TF: variants seen among roughly 807,000 people sequenced by gnomAD.
The protein encoded by TF is transferrin, also known as serotransferrin.
In TF, 55 loss-of-function variants were observed where a neutral mutation model predicts 82.4. That is an observed-to-expected ratio of 0.67 (90% CI 0.54 to 0.84). TF has a LOEUF of 0.84. Ranked by LOEUF, TF falls within the 40% of genes least tolerant of loss-of-function variation. TF has a pLI of 0.00. For synonymous variants in TF, 332 were observed against 332.6 expected (o/e 1.00, Z 0.02); for missense variants, 737 against 868.4 (o/e 0.85, Z 1.90).
At chr3:133,691,553 G>C in the TF span, among the ~76,000 whole-genome samples, 1 of 152,220 alleles carries the variant, frequency 6.6e-6, no homozygotes, top group Non-Finnish European at 1.5e-5. Context: ...TGAAGACTGT[G>C]GTCAGGGAAT....
chr3:133,684,275 A>T, the TF span, among the ~76,000 whole-genome samples: 1 of 152,256 alleles, frequency 6.6e-6, no homozygotes, highest in Non-Finnish European at 1.5e-5. Context: ...TGACACCCTA[A>T]CATCACAATT....
upstream of TF, among the ~76,000 whole-genome samples, chr3:133,744,308 C>A (rs1332458990): frequency 1.3e-5 from 2 of 152,188 alleles, no homozygotes; most frequent in African/African-American, 2.4e-5. Flanking sequence ...CTTTCCATGC[C>A]CTGCGTTGAG....
chr3:133,736,462 C>T, the TF span, among the ~76,000 whole-genome samples: 1 of 151,820 alleles, frequency 6.6e-6, no homozygotes, highest in South Asian at 2.1e-4. Flanking sequence ...CAATATTAAC[C>T]TTAATGTAAA....
At chr3:133,692,171 G>A in the TF span, among the ~76,000 whole-genome samples, 122 of 152,364 alleles carry the variant, frequency 8.0e-4, no homozygotes, top group South Asian at 5.8e-3. Flanking sequence ...ACCTGACTGC[G>A]TCTTCCTTGT....
the TF span, among the ~76,000 whole-genome samples, chr3:133,686,675 C>T: frequency 1.6e-4 from 24 of 152,168 alleles, no homozygotes; most frequent in South Asian, 6.2e-4. Context: ...GTTAGAATGG[C>T]GATCATTAAA....
At chr3:133,671,687 G>C in the TF span, among the ~76,000 whole-genome samples, 1 of 151,862 alleles carries the variant, frequency 6.6e-6, no homozygotes, top group Non-Finnish European at 1.5e-5. Flanking sequence ...CAGCTACTCA[G>C]GAGGCTGAGC....
At position 133,775,711 on chromosome 3, in the gene TF, A is replaced by G. The variant is rs1934372492; in HGVS notation, c.1872+94A>G. 4 of 1,328,628 alleles carry G rather than the reference A, an allele frequency of 3.0e-6. No individual in the cohort carries two copies. The Admixed American group carries it at 7.0e-5, about 23-fold the overall frequency. 82.3% of individuals were successfully genotyped at this position (1,328,628 alleles called of 1,614,324 possible). ...AACAAAGTGCAGCCATGACTCCAGC[A>G]CTTTCTTTTTGAAAACTAGAATTCC... On this transcript the variant is annotated intron_variant, in intron 15 of 16. Transcript: ENST00000402696.
At chr3:133,697,351 T>G in the TF span, among the ~76,000 whole-genome samples, 1 of 152,244 alleles carries the variant, frequency 6.6e-6, no homozygotes, top group Admixed American at 6.5e-5. Flanking sequence ...TTATCCACAA[T>G]TTTAATTAGT....
chr3:133,674,643 G>A, the TF span, among the ~76,000 whole-genome samples: 1 of 152,182 alleles, frequency 6.6e-6, no homozygotes, highest in Non-Finnish European at 1.5e-5. Context: ...CCGGGGCCCT[G>A]AGTAAGTGAG....
the TF span, among the ~76,000 whole-genome samples, chr3:133,727,663 T>A: frequency 0.014 from 1,633 of 118,526 alleles, 16 homozygotes; most frequent in South Asian, 0.064. Context: ...ACATTTAAAG[T>A]TAATATTGTT....
chr3:133,683,077 C>G, the TF span, among the ~76,000 whole-genome samples: 1 of 152,132 alleles, frequency 6.6e-6, no homozygotes, highest in Non-Finnish European at 1.5e-5. Context: ...GAATTTTCAA[C>G]CCAGAATTTC....
the TF span, among the ~76,000 whole-genome samples, chr3:133,668,944 C>G: frequency 6.6e-6 from 1 of 152,206 alleles, no homozygotes; most frequent in Non-Finnish European, 1.5e-5. Flanking sequence ...ACAGTGGCAT[C>G]TGACTTGTTA....
chr3:133,757,464 C>T (rs1356549540), intron 7 of TF, among the ~76,000 whole-genome samples: 2 of 152,226 alleles, frequency 1.3e-5, no homozygotes, highest in African/African-American at 4.8e-5. Context: ...TCCCATCTGT[C>T]CACTGAGAGT....
intron 2 of TF, among the ~76,000 whole-genome samples, chr3:133,749,968 T>C (rs975187965): frequency 2.0e-5 from 3 of 152,200 alleles, no homozygotes; most frequent in Admixed American, 1.3e-4. Flanking sequence ...CTGTGTCTGA[T>C]AGCTGGCAGT....
the TF span, among the ~76,000 whole-genome samples, chr3:133,666,021 A>G: frequency 3.3e-5 from 5 of 152,066 alleles, no homozygotes; most frequent in East Asian, 9.6e-4. Flanking sequence ...GGGTGGTGGG[A>G]ATATGAATAT....
At chr3:133,733,877 A>C in the TF span, among the ~76,000 whole-genome samples, 1 of 151,812 alleles carries the variant, frequency 6.6e-6, no homozygotes, top group African/African-American at 2.4e-5. Flanking sequence ...CAAAAAAAAA[A>C]AAAACATGTA....
chr3:133,733,306 C>G, the TF span, among the ~76,000 whole-genome samples: 1 of 152,192 alleles, frequency 6.6e-6, no homozygotes, highest in Non-Finnish European at 1.5e-5. Context: ...TGCTGTGACA[C>G]AGGCTGCCTA....
chr3:133,704,878 T>C, the TF span, among the ~76,000 whole-genome samples: 6 of 152,242 alleles, frequency 3.9e-5, no homozygotes, highest in Admixed American at 6.5e-5. Context: ...CCTAATATCA[T>C]TGATTACACC....
the TF span, among the ~76,000 whole-genome samples, chr3:133,668,460 C>T: frequency 6.6e-6 from 1 of 152,212 alleles, no homozygotes; most frequent in East Asian, 1.9e-4. Flanking sequence ...TAGTGCCTGC[C>T]CAACTTCAAA....
Sources: allele counts gnomAD v4.1 joint callset (sites outside exome capture counted in the v4.1 genomes callset), GRCh38; gene constraint gnomAD v4.1.1; transcripts MANE v1.5; gene names NCBI Gene and HGNC (gene_info 2026-07-23, HGNC 2026-07-21).